RBMS1: variants seen among roughly 807,000 people sequenced by gnomAD.
RBMS1 encodes the protein RNA-binding motif, single-stranded-interacting protein 1.
In RBMS1, 17 loss-of-function variants were observed where a neutral mutation model predicts 62.3. The ratio of observed to expected loss-of-function variants is 0.27; its 90% CI spans 0.19 to 0.41. The LOEUF is 0.41. Ranked by LOEUF, RBMS1 falls within the 10% of genes least tolerant of loss-of-function variation. The pLI is 1.00. For synonymous variants in RBMS1, 172 were observed against 170.0 expected (o/e 1.01, Z -0.09); for missense variants, 334 against 504.5 (o/e 0.66, Z 3.24).
chr2:160,379,750 T>C (rs1694183434), intron 1 of RBMS1, among the ~76,000 whole-genome samples: 2 of 152,242 alleles, frequency 1.3e-5, no homozygotes, highest in African/African-American at 4.8e-5. Context: ...ACCTTTTTAC[T>C]TTTCTGTTGC....
chr2:160,285,252 C>G (rs953006024), intron 7 of RBMS1, among the ~76,000 whole-genome samples: 6 of 151,792 alleles, frequency 4.0e-5, no homozygotes, highest in African/African-American at 1.5e-4. Context: ...GAAGGAGACC[C>G]CTGTCTCTTA....
chr2:160,414,028 C>G (rs1450187287), intron 1 of RBMS1, among the ~76,000 whole-genome samples: 1 of 152,172 alleles, frequency 6.6e-6, no homozygotes, highest in Non-Finnish European at 1.5e-5. Flanking sequence ...GCTTGGGCAT[C>G]AGAACACCTG....
chr2:160,371,273 G>A (rs62177310), intron 1 of RBMS1, among the ~76,000 whole-genome samples: 4,261 of 152,278 alleles, frequency 0.028, 102 homozygotes, highest in Non-Finnish European at 0.043. Context: ...ATTTTAGCCA[G>A]TTCCATTTTC....
chr2:160,385,927 T>C (rs1694546985), intron 1 of RBMS1, among the ~76,000 whole-genome samples: 2 of 152,206 alleles, frequency 1.3e-5, no homozygotes, highest in Middle Eastern at 3.2e-3. Context: ...TGTGGTAACC[T>C]GGGAAACCTA....
At chr2:160,493,194 G>A (rs1034475761) in intron 1 of RBMS1, 95 bp downstream of exon 1, 3 of 1,216,220 alleles carry the variant, frequency 2.5e-6, no homozygotes, top group Non-Finnish European at 3.5e-6. Flanking sequence ...CGGCGGTGGC[G>A]GGGGTTCGCC....
intron 1 of RBMS1, among the ~76,000 whole-genome samples, chr2:160,444,249 G>A (rs1470788720): frequency 1.3e-5 from 2 of 152,020 alleles, no homozygotes; most frequent in African/African-American, 4.8e-5. Flanking sequence ...TTATATTTAA[G>A]CATCTATCAA....
At chr2:160,299,669 G>A (rs1258470685) in intron 6 of RBMS1, among the ~76,000 whole-genome samples, 2 of 152,198 alleles carry the variant, frequency 1.3e-5, no homozygotes, top group Non-Finnish European at 2.9e-5. Context: ...AAGACTGGAT[G>A]TGGGTGTAGG....
rs954682048 is a variant in RBMS1 at position 160,308,747 on chromosome 2, T to C, written c.402+4409A>G. ...GTCCTTTTCCTTAGCCAATGTATAG[T>C]ATCAAGCTTTCTAAAGAGGTCTTTG... On this transcript the variant is annotated intron_variant, in intron 4 of 13. Transcript: ENST00000348849. 1.3e-4 allele frequency among the ~76,000 whole-genome samples: 20 copies of C among 152,286 alleles called. 1 individual carries two copies. Among genetic ancestry groups the C allele is most frequent in the Admixed American group, 1.2e-3 (18 of 15,300 alleles).
intron 1 of RBMS1, among the ~76,000 whole-genome samples, chr2:160,458,658 G>C (rs761087834): frequency 6.6e-6 from 1 of 152,150 alleles, no homozygotes; most frequent in African/African-American, 2.4e-5. Context: ...TGAACTGGGC[G>C]TGGTGGCGCA....
chr2:160,445,923 G>T (rs535778664), intron 1 of RBMS1, among the ~76,000 whole-genome samples: 1 of 152,004 alleles, frequency 6.6e-6, no homozygotes, highest in East Asian at 1.9e-4. Flanking sequence ...TTCTCTTGGA[G>T]ATACTGTTCA....
rs545634048 is a variant in RBMS1, at chr2:160,281,080, G to T, written c.951+234C>A. ...GAGCTGGTATGAATAAGAAAATGGT[G>T]CCCTGCCTCAAATATGATATATTTT... On this transcript the variant is annotated intron_variant, in intron 10 of 13. Transcript: ENST00000348849. Among the ~76,000 whole-genome samples, 3 of 152,226 alleles carry T rather than the reference G, an allele frequency of 2.0e-5. No homozygotes were observed. The South Asian group carries it at 6.2e-4, about 32-fold the overall frequency.
chr2:160,466,881 T>C (rs911413866), intron 1 of RBMS1, among the ~76,000 whole-genome samples: 2 of 152,216 alleles, frequency 1.3e-5, no homozygotes, highest in Non-Finnish European at 2.9e-5. Flanking sequence ...GGCAGTTGCT[T>C]CACCTCTGTG....
At chr2:160,422,172 T>G (rs115373149) in intron 1 of RBMS1, among the ~76,000 whole-genome samples, 3 of 152,184 alleles carry the variant, frequency 2.0e-5, no homozygotes, top group Admixed American at 6.5e-5. Flanking sequence ...ACAAAGATAT[T>G]TATCATCATT....
intron 1 of RBMS1, among the ~76,000 whole-genome samples, chr2:160,404,481 T>C (rs1359741673): frequency 1.3e-5 from 2 of 152,170 alleles, no homozygotes; most frequent in African/African-American, 4.8e-5. Flanking sequence ...ATAAAACAAT[T>C]TGAAAATAAT....
rs779887602 is a variant in RBMS1, at chr2:160,303,348, C to T, written c.542G>A (p.Arg181His). 2.5e-6 allele frequency: 4 copies of T among 1,608,010 alleles called. No individual in the cohort carries two copies. Among genetic ancestry groups the T allele is most frequent in the Non-Finnish European group, 2.5e-6 (3 of 1,177,828 alleles). ...RILRDSSGTS[R>H]GVGFARMEST... ...GGCTTACCTAGCAAAGCCAACACCA[C>T]GACTTGTACCACTGGAATCACGTAG... The change falls in exon 5 of 14, where the codon CGT becomes CAT. Residue 181 changes from arginine to histidine, a missense_variant. Arg to His is a conservative substitution (Grantham distance 29). This residue lies in a region of RBMS1 where 150 missense variants were observed against 228.0 expected (regional missense o/e 0.66). Coordinates refer to ENST00000348849, the MANE Select transcript of RBMS1 (RefSeq NM_016836.4).
chr2:160,285,620 C>T (rs573087348), intron 7 of RBMS1, among the ~76,000 whole-genome samples: 3 of 149,966 alleles, frequency 2.0e-5, no homozygotes, highest in South Asian at 2.1e-4. Context: ...CATTTTATTA[C>T]GAAATTGAGA....
intron 1 of RBMS1, among the ~76,000 whole-genome samples, chr2:160,383,453 TG>T (rs1553518103): frequency 1.4e-3 from 102 of 74,976 alleles, no homozygotes; most frequent in South Asian, 9.4e-3. Context: ...AGACATGAAT[TG>T]GGGGGGGGGG....
At chr2:160,324,722 G>A (rs981546429) in intron 2 of RBMS1, among the ~76,000 whole-genome samples, 2 of 151,282 alleles carry the variant, frequency 1.3e-5, no homozygotes, top group Non-Finnish European at 2.9e-5. Context: ...GAGGGACAGG[G>A]GATTGAAATG....
intron 1 of RBMS1, chr2:160,492,902 G>A (rs1685900874): frequency 5.3e-6 from 1 of 189,456 alleles, no homozygotes; most frequent in African/African-American, 2.4e-5. Flanking sequence ...GAGGCCCTTG[G>A]AGAAGGGGTC....
Sources: allele counts gnomAD v4.1 joint callset (sites outside exome capture counted in the v4.1 genomes callset), GRCh38; gene constraint gnomAD v4.1.1; regional missense constraint gnomAD v4.1.1; transcripts MANE v1.5; gene names NCBI Gene and HGNC (gene_info 2026-07-23, HGNC 2026-07-21).